The following SH3PXD2A variants were observed in gnomAD, a reference collection of about 807,000 sequenced individuals.
SH3PXD2A encodes SH3 and PX domain-containing protein 2A.
A neutral mutation model predicts 115.2 loss-of-function variants in SH3PXD2A; 32 were observed. That is an observed-to-expected ratio of 0.28 (90% CI 0.21 to 0.37). The LOEUF (loss-of-function observed/expected upper bound fraction) is 0.37, where lower values mean the gene tolerates loss of function less well. Among genes scored for constraint, SH3PXD2A ranks in the 10% least tolerant of loss-of-function variants. SH3PXD2A has a pLI of 1.00. For synonymous variants in SH3PXD2A, 610 were observed against 629.1 expected, an observed-to-expected ratio of 0.97 and a Z score of 0.45; for missense variants, 1,328 against 1,498.7, an observed-to-expected ratio of 0.89 and a Z score of 1.88.
chr10:103,605,762 G>A, intron 14 of SH3PXD2A, 36 bp downstream of exon 14: 2 of 1,613,512 alleles, frequency 1.2e-6, no homozygotes, highest in South Asian at 1.1e-5. Flanking sequence ...CCACCACAAT[G>A]AGTTAAAACC....
intron 2 of SH3PXD2A, among the ~76,000 whole-genome samples, chr10:103,797,553 C>T (rs2039104316): frequency 6.6e-6 from 1 of 152,110 alleles, no homozygotes; most frequent in Non-Finnish European, 1.5e-5. Context: ...GCCTCAGGCT[C>T]TTGGCTCCCT....
intron 5 of SH3PXD2A, among the ~76,000 whole-genome samples, chr10:103,703,752 CTTAGAT>C (rs1157524237): frequency 2.0e-5 from 3 of 152,134 alleles, no homozygotes; most frequent in Non-Finnish European, 4.4e-5. Flanking sequence ...TTAATTAAGA[CTTAGAT>C]TTAAAGAGCC....
chr10:103,685,361 A>AG (rs1554910897), intron 6 of SH3PXD2A, among the ~76,000 whole-genome samples: 3 of 150,914 alleles, frequency 2.0e-5, no homozygotes, highest in African/African-American at 7.3e-5. Flanking sequence ...AAAAAAAAAA[A>AG]AGAGAATCCT....
chr10:103,765,828 C>A (rs1237946665), intron 3 of SH3PXD2A, among the ~76,000 whole-genome samples: 1 of 152,192 alleles, frequency 6.6e-6, no homozygotes, highest in African/African-American at 2.4e-5. Flanking sequence ...AGTGCAAAGC[C>A]AAGCAAGGAA....
At chr10:103,624,461 C>T (rs1015945094) in intron 9 of SH3PXD2A, among the ~76,000 whole-genome samples, 3 of 152,162 alleles carry the variant, frequency 2.0e-5, no homozygotes, top group Admixed American at 6.5e-5. Context: ...CTGAAGCACC[C>T]TGCGAATGTC....
intron 3 of SH3PXD2A, among the ~76,000 whole-genome samples, chr10:103,753,523 A>G (rs996710898): frequency 6.8e-6 from 1 of 147,804 alleles, no homozygotes; most frequent in Admixed American, 6.8e-5. Flanking sequence ...AAAAAAGAAT[A>G]GTTATCAAGA....
intron 7 of SH3PXD2A, among the ~76,000 whole-genome samples, chr10:103,667,296 C>T (rs954369782): frequency 4.6e-5 from 7 of 151,486 alleles, no homozygotes; most frequent in African/African-American, 1.7e-4. Flanking sequence ...CTGTGCTGGC[C>T]TCCACCCCAG....
intron 5 of SH3PXD2A, among the ~76,000 whole-genome samples, chr10:103,719,232 G>C (rs1554915205): frequency 6.6e-6 from 1 of 152,254 alleles, no homozygotes; most frequent in Non-Finnish European, 1.5e-5. Flanking sequence ...ACCTACTCTG[G>C]CTGGGGTGGA....
At chr10:103,703,205 C>T (rs539108367) in intron 5 of SH3PXD2A, among the ~76,000 whole-genome samples, 1 of 152,342 alleles carries the variant, frequency 6.6e-6, no homozygotes, top group East Asian at 1.9e-4. Context: ...ACCTAGCCCA[C>T]CTGCATGGCC....
intron 1 of SH3PXD2A, among the ~76,000 whole-genome samples, chr10:103,833,998 C>T (rs1451920196): frequency 6.6e-6 from 1 of 152,166 alleles, no homozygotes; most frequent in Non-Finnish European, 1.5e-5. Flanking sequence ...AAAGGCTCTG[C>T]CCAGTTTCCA....
intron 2 of SH3PXD2A, among the ~76,000 whole-genome samples, chr10:103,778,548 C>T (rs953313233): frequency 3.3e-5 from 5 of 152,228 alleles, no homozygotes; most frequent in Admixed American, 3.3e-4. Flanking sequence ...TTTGTGACCC[C>T]ATTTTCTCAT....
At position 103,627,393 on chromosome 10, in the gene SH3PXD2A, C is replaced by T. The variant is rs1044543122; in HGVS notation, c.605-191G>A. ...TGCGTCTGTTCTAAGGCAGAAACGA[C>T]CAGCACACTTCCCGAGAAGTGGGAC... On this transcript the variant is annotated intron_variant, in intron 8 of 14. Coordinates refer to ENST00000369774, the MANE Select transcript of SH3PXD2A (RefSeq NM_001394015.1). The surrounding 1 kb of genome is among the most constrained non-coding windows in gnomAD (Gnocchi z 4.4). Among the ~76,000 whole-genome samples the T allele has an allele frequency of 5.3e-5, 8 of 152,204 alleles. No homozygotes were observed. The highest frequency in any genetic ancestry group is 1.9e-4 in the African/African-American group (8 of 41,452).
intron 1 of SH3PXD2A, among the ~76,000 whole-genome samples, chr10:103,805,426 G>A (rs555554679): frequency 5.3e-5 from 8 of 152,336 alleles, no homozygotes; most frequent in Admixed American, 2.0e-4. Context: ...AACCTTCAGG[G>A]CTGCCAGTAC....
At chr10:103,720,000 G>T (rs909766847) in intron 5 of SH3PXD2A, among the ~76,000 whole-genome samples, 1 of 152,174 alleles carries the variant, frequency 6.6e-6, no homozygotes, top group East Asian at 1.9e-4. Flanking sequence ...GATTACAGGC[G>T]TGAGCCACCG....
chr10:103,793,810 T>C (rs537238219), intron 2 of SH3PXD2A, among the ~76,000 whole-genome samples: 25 of 152,308 alleles, frequency 1.6e-4, no homozygotes, highest in African/African-American at 6.0e-4. Context: ...AAAGGCAGAG[T>C]GCCTGCGGAA....
chr10:103,732,709 T>G (rs1383300156), intron 4 of SH3PXD2A, among the ~76,000 whole-genome samples: 1 of 152,214 alleles, frequency 6.6e-6, no homozygotes, highest in Non-Finnish European at 1.5e-5. Flanking sequence ...CCCCAGACTC[T>G]GAGCCCACAT....
At chr10:103,792,682 C>G (rs1210276610) in intron 2 of SH3PXD2A, among the ~76,000 whole-genome samples, 1 of 152,178 alleles carries the variant, frequency 6.6e-6, no homozygotes, top group Non-Finnish European at 1.5e-5. Context: ...AGTGCCCTGG[C>G]CCTGGAGCAC....
intron 1 of SH3PXD2A, among the ~76,000 whole-genome samples, chr10:103,809,277 T>G (rs2039239989): frequency 6.6e-6 from 1 of 152,192 alleles, no homozygotes; most frequent in Non-Finnish European, 1.5e-5. Flanking sequence ...ACTATAAGGC[T>G]AATGACCAGG....
At chr10:103,648,362 G>A (rs141221125) in intron 8 of SH3PXD2A, among the ~76,000 whole-genome samples, 1,632 of 152,312 alleles carry the variant, frequency 0.011, 17 homozygotes, top group Non-Finnish European at 0.019. Context: ...AGAAGGACGG[G>A]GGAGGGGGCC....
Sources: gnomAD v4.1 joint callset for allele counts (sites outside exome capture counted in the v4.1 genomes callset) on GRCh38, gnomAD v4.1.1 for gene constraint, Gnocchi (gnomAD v3.1) non-coding constraint, MANE v1.5 for transcripts, NCBI Gene and HGNC (gene_info 2026-07-23, HGNC 2026-07-21) for gene names.